Variants in LTBP1 observed in about 807,000 individuals in gnomAD.
The protein encoded by LTBP1 is latent transforming growth factor beta binding protein 1.
A neutral mutation model predicts 207.6 loss-of-function variants in LTBP1; 129 were observed. That is an observed-to-expected ratio of 0.62 (90% CI 0.54 to 0.72). LTBP1 has a LOEUF of 0.72. Among genes scored for constraint, LTBP1 ranks in the 30% least tolerant of loss-of-function variants. The probability of loss-of-function intolerance (pLI) is 0.00; values close to 1 mark genes in which losing one functional copy is unlikely to be tolerated. For synonymous variants in LTBP1, 963 were observed against 833.7 expected, an observed-to-expected ratio of 1.16 and a Z score of -2.67; for missense variants, 2,281 against 2,217.2, an observed-to-expected ratio of 1.03 and a Z score of -0.58.
At chr2:32,953,751 T>C (rs1677585209) in intron 2 of LTBP1, among the ~76,000 whole-genome samples, 1 of 152,172 alleles carries the variant, frequency 6.6e-6, no homozygotes, top group Admixed American at 6.5e-5. Flanking sequence ...AAAAGACCTT[T>C]GACAACCACA....
chr2:33,064,878 C>T (rs1271640864), intron 3 of LTBP1, among the ~76,000 whole-genome samples: 1 of 152,196 alleles, frequency 6.6e-6, no homozygotes, highest in South Asian at 2.1e-4. Context: ...TTGTGTCTTT[C>T]CAGTATTTAT....
chr2:33,371,359 C>T (rs2095065186), intron 31 of LTBP1, among the ~76,000 whole-genome samples: 1 of 152,192 alleles, frequency 6.6e-6, no homozygotes, highest in Non-Finnish European at 1.5e-5. Context: ...ATCCTGCCCA[C>T]TCTTAAAATG....
At chr2:33,030,465 A>G (rs1292037840) in intron 3 of LTBP1, among the ~76,000 whole-genome samples, 1 of 152,194 alleles carries the variant, frequency 6.6e-6, no homozygotes, top group Non-Finnish European at 1.5e-5. Flanking sequence ...GAGCTAAAAA[A>G]AATTCAGAAA....
intron 2 of LTBP1, among the ~76,000 whole-genome samples, chr2:33,018,823 A>T (rs1312566934): frequency 6.6e-6 from 1 of 152,084 alleles, no homozygotes. Flanking sequence ...TGCAGAGGCC[A>T]GGGTTAAGTG....
chr2:33,014,635 AAT>A (rs781180873), intron 2 of LTBP1, among the ~76,000 whole-genome samples: 1 of 152,324 alleles, frequency 6.6e-6, no homozygotes, highest in Middle Eastern at 3.4e-3. Context: ...ACAAGTTTTA[AAT>A]ATAACTAAGG....
intron 22 of LTBP1, among the ~76,000 whole-genome samples, chr2:33,302,976 C>G (rs545568016): frequency 1.4e-5 from 2 of 142,722 alleles, no homozygotes; most frequent in African/African-American, 5.4e-5. Context: ...CACACACACA[C>G]ACACACACAA....
At chr2:33,284,728 C>T (rs972049200) in intron 19 of LTBP1, among the ~76,000 whole-genome samples, 4 of 152,180 alleles carry the variant, frequency 2.6e-5, no homozygotes, top group African/African-American at 7.2e-5. Flanking sequence ...TTTAAAGATA[C>T]ATTTGATATT....
chr2:33,243,914 C>A (rs2092422527), intron 10 of LTBP1, 130 bp downstream of exon 10: 1 of 1,003,320 alleles, frequency 1.0e-6, no homozygotes, highest in Non-Finnish European at 1.5e-6. Flanking sequence ...ATTAAAATAA[C>A]AAGCAAGGGG....
intron 31 of LTBP1, among the ~76,000 whole-genome samples, chr2:33,373,118 G>A (rs1232919531): frequency 9.2e-5 from 14 of 152,138 alleles, no homozygotes; most frequent in Non-Finnish European, 1.8e-4. Flanking sequence ...CTTGATAAAC[G>A]GGACAACTAG....
At chr2:33,308,448 C>G (rs1242640250) in intron 22 of LTBP1, among the ~76,000 whole-genome samples, 3 of 152,134 alleles carry the variant, frequency 2.0e-5, no homozygotes, top group East Asian at 1.9e-4. Context: ...TGCTGTTCTC[C>G]TTCTGTTCAA....
chr2:33,333,419 A>T (rs1348377458), intron 24 of LTBP1, among the ~76,000 whole-genome samples: 1 of 152,202 alleles, frequency 6.6e-6, no homozygotes, highest in East Asian at 1.9e-4. Context: ...ATATTGTTAT[A>T]ATAGCTCAGG....
intron 26 of LTBP1, 93 bp from the exon 27 acceptor site, chr2:33,360,504 A>T: frequency 2.7e-6 from 2 of 750,684 alleles, no homozygotes; most frequent in Non-Finnish European, 4.5e-6. Context: ...TGCTATTGAC[A>T]CGGTCACTCT....
intron 27 of LTBP1, among the ~76,000 whole-genome samples, 166 bp downstream of exon 27, chr2:33,360,945 C>A (rs1024079754): frequency 6.6e-6 from 1 of 152,198 alleles, no homozygotes; most frequent in Non-Finnish European, 1.5e-5. Context: ...TAATATGAAT[C>A]CTTGAACTTC....
intron 31 of LTBP1, among the ~76,000 whole-genome samples, chr2:33,370,683 A>G (rs557624076): frequency 6.6e-6 from 1 of 152,358 alleles, no homozygotes; most frequent in African/African-American, 2.4e-5. Context: ...GTTCCCGGAT[A>G]TCTTAATCGT....
intron 4 of LTBP1, among the ~76,000 whole-genome samples, chr2:33,122,326 G>C (rs1034495289): frequency 6.6e-6 from 1 of 152,162 alleles, no homozygotes; most frequent in Non-Finnish European, 1.5e-5. Flanking sequence ...AAAACAATCT[G>C]GACAAATCAA....
At chr2:33,019,328 C>CTTTTTT (rs58570641) in intron 2 of LTBP1, among the ~76,000 whole-genome samples, 2 of 87,672 alleles carry the variant, frequency 2.3e-5, no homozygotes, top group Non-Finnish European at 4.5e-5. Context: ...ATGTACACTT[C>CTTTTTT]TTTTTTTTTT....
chr2:33,055,740 G>C (rs2076963345), intron 3 of LTBP1, among the ~76,000 whole-genome samples: 1 of 152,156 alleles, frequency 6.6e-6, no homozygotes, highest in African/African-American at 2.4e-5. Context: ...ACTTCCCCAG[G>C]TCTGCCTTCA....
intron 18 of LTBP1, among the ~76,000 whole-genome samples, chr2:33,277,600 C>A (rs930843235): frequency 6.6e-6 from 1 of 151,864 alleles, no homozygotes; most frequent in South Asian, 2.1e-4. Context: ...CTTTAAATCT[C>A]CCCCCATCCC....
intron 24 of LTBP1, among the ~76,000 whole-genome samples, chr2:33,335,842 C>G (rs879576543): frequency 9.2e-5 from 14 of 152,116 alleles, no homozygotes; most frequent in Non-Finnish European, 1.9e-4. Context: ...TTCTTTGGAT[C>G]TGTTTTCCTA....
Sources: gnomAD v4.1 joint callset for allele counts (sites outside exome capture counted in the v4.1 genomes callset) on GRCh38, gnomAD v4.1.1 for gene constraint, MANE v1.5 for transcripts, NCBI Gene and HGNC (gene_info 2026-07-23, HGNC 2026-07-21) for gene names.